TSC22D1: variants seen among roughly 807,000 people sequenced by gnomAD.
TSC22D1 encodes the protein TSC22 domain family protein 1.
Under a neutral mutation model 74.2 loss-of-function variants are expected in TSC22D1, and 9 were observed. The ratio of observed to expected loss-of-function variants is 0.12; its 90% CI spans 0.07 to 0.21. TSC22D1 has a LOEUF of 0.21. Ranked by LOEUF, TSC22D1 falls within the 10% of genes least tolerant of loss-of-function variation. TSC22D1 has a pLI of 1.00. For synonymous variants in TSC22D1, 586 were observed against 492.5 expected, an observed-to-expected ratio of 1.19 and a Z score of -2.51; for missense variants, 1,427 against 1,304.7, an observed-to-expected ratio of 1.09 and a Z score of -1.44.
intron 1 of TSC22D1, among the ~76,000 whole-genome samples, chr13:44,498,595 G>A (rs995347291): frequency 1.3e-5 from 2 of 152,168 alleles, no homozygotes; most frequent in African/African-American, 2.4e-5. Context: ...GACTCTCAGA[G>A]CAGGGGCCAT....
intron 1 of TSC22D1, among the ~76,000 whole-genome samples, chr13:44,551,047 G>A (rs1882205345): frequency 6.6e-6 from 1 of 151,424 alleles, no homozygotes; most frequent in African/African-American, 2.4e-5. Flanking sequence ...AATTGAGGCT[G>A]CAGTGAGCTG....
intron 1 of TSC22D1, among the ~76,000 whole-genome samples, chr13:44,448,767 A>G (rs1413457896): frequency 6.6e-6 from 1 of 152,150 alleles, no homozygotes; most frequent in African/African-American, 2.4e-5. Context: ...AGGTTTAGAA[A>G]TGGAGGCTCA....
intron 1 of TSC22D1, among the ~76,000 whole-genome samples, chr13:44,532,375 A>G (rs9533896): frequency 0.11 from 16,305 of 152,266 alleles, 943 homozygotes; most frequent in Non-Finnish European, 0.12. Flanking sequence ...GCCAAAGGTA[A>G]CATAAGGTCA....
rs1884178279 is a variant in TSC22D1 at position 44,575,772 on chromosome 13, G to C, written c.303C>G (p.Gly101=). ...AQLQAQPLAP[G]GTQMKKKSGF... is the part of the protein sequence containing the mutation. Reference sequence around the variant, plus strand: ...CACTTTTCTTTTTCATTTGAGTTCCGCCTGGCGCAAGAGGCTGTGCCTGCA... The same window carrying C: ...CACTTTTCTTTTTCATTTGAGTTCCCCCTGGCGCAAGAGGCTGTGCCTGCA... The change falls in exon 1 of 3, where the codon GGC becomes GGG. Residue 101 remains glycine, a synonymous_variant. Coordinates refer to ENST00000458659, the MANE Select transcript of TSC22D1 (RefSeq NM_183422.4). The C allele has an allele frequency of 6.2e-7, 1 of 1,614,164 alleles. No homozygotes were observed. Among genetic ancestry groups the C allele is most frequent in the East Asian group, 2.2e-5 (1 of 44,878 alleles).
At chr13:44,531,707 A>G (rs937968215) in intron 1 of TSC22D1, among the ~76,000 whole-genome samples, 2 of 152,172 alleles carry the variant, frequency 1.3e-5, no homozygotes, top group Non-Finnish European at 2.9e-5. Flanking sequence ...TAAATAAAAC[A>G]CCTCATGTCT....
intron 1 of TSC22D1, among the ~76,000 whole-genome samples, chr13:44,534,203 G>GCTGT: frequency 6.7e-6 from 1 of 149,494 alleles, no homozygotes; most frequent in South Asian, 2.1e-4. Flanking sequence ...TGCAGCCTGA[G>GCTGT]CGACAGAGTA....
At chr13:44,544,510 A>C (rs1014301779) in intron 1 of TSC22D1, among the ~76,000 whole-genome samples, 1 of 151,822 alleles carries the variant, frequency 6.6e-6, no homozygotes, top group African/African-American at 2.4e-5. Flanking sequence ...ACTCTGAGCA[A>C]AGTTGTGTGT....
chr13:44,574,655 C>G lies in TSC22D1; in HGVS notation c.1420G>C (p.Val474Leu), dbSNP rs780872535. ...STSGSSVSSS[V>L]STLSHYTESV... Reference sequence around the variant, plus strand: ...TCTGTATAGTGACTCAGTGTGCTGACACTACTGCTCACTGAACTCCCACTA... The same window carrying G: ...TCTGTATAGTGACTCAGTGTGCTGAGACTACTGCTCACTGAACTCCCACTA... The change falls in exon 1 of 3, where the codon GTC becomes CTC. Residue 474 changes from valine to leucine, a missense_variant. Transcript: ENST00000458659. The G allele has an allele frequency of 3.2e-5, 52 of 1,614,014 alleles. No individual in the cohort carries two copies. The highest frequency in any genetic ancestry group is 4.0e-5 in the Non-Finnish European group (47 of 1,180,042).
At chr13:44,569,900 C>T (rs1883639238) in intron 1 of TSC22D1, among the ~76,000 whole-genome samples, 1 of 151,896 alleles carries the variant, frequency 6.6e-6, no homozygotes, top group Non-Finnish European at 1.5e-5. Context: ...CCTTGAGGAA[C>T]ATCTAGTCTT....
chr13:44,506,725 T>C (rs1420285239), intron 1 of TSC22D1, among the ~76,000 whole-genome samples: 1 of 152,140 alleles, frequency 6.6e-6, no homozygotes, highest in African/African-American at 2.4e-5. Context: ...CTGAGCTGGG[T>C]ATCGAGAGAG....
At chr13:44,519,445 C>A (rs920721821) in intron 1 of TSC22D1, among the ~76,000 whole-genome samples, 4 of 151,984 alleles carry the variant, frequency 2.6e-5, no homozygotes, top group African/African-American at 9.7e-5. Context: ...CAGGAGTATA[C>A]AAAATGGAGT....
intron 1 of TSC22D1, among the ~76,000 whole-genome samples, chr13:44,562,350 A>G (rs1046073390): frequency 7.2e-5 from 11 of 152,204 alleles, no homozygotes; most frequent in African/African-American, 1.4e-4. Flanking sequence ...CCAAAAAATT[A>G]TATTTCTTTA....
intron 1 of TSC22D1, among the ~76,000 whole-genome samples, chr13:44,570,100 T>G (rs1257949620): frequency 2.0e-5 from 3 of 151,782 alleles, no homozygotes; most frequent in Non-Finnish European, 4.4e-5. Flanking sequence ...CTAATAACAA[T>G]CACAAAACAT....
At chr13:44,508,962 G>C (rs1449565750) in intron 1 of TSC22D1, among the ~76,000 whole-genome samples, 1 of 152,158 alleles carries the variant, frequency 6.6e-6, no homozygotes, top group Non-Finnish European at 1.5e-5. Context: ...CATGTGATAA[G>C]CATGAAGTGG....
Position 44,495,309 on chromosome 13 carries a change from A to C in TSC22D1, c.2913-59214T>G, listed in dbSNP as rs533460354. ...AAAATGCTAAGGAAAAAAAAAAAAA[A>C]AACAGTCTAACGGTAATTCTATATC... On this transcript the variant is annotated intron_variant, in intron 1 of 2. Coordinates refer to ENST00000458659, the MANE Select transcript of TSC22D1 (RefSeq NM_183422.4). Among the ~76,000 whole-genome samples the C allele has an allele frequency of 8.6e-5, 13 of 151,790 alleles. No individual in the cohort carries two copies. In the South Asian group the frequency reaches 2.5e-3, roughly 29 times the overall value.
chr13:44,504,602 A>T (rs1879361680), intron 1 of TSC22D1, among the ~76,000 whole-genome samples: 2 of 44,162 alleles, frequency 4.5e-5, no homozygotes, highest in Admixed American at 2.2e-4. Flanking sequence ...AGACTGTCTC[A>T]AAAAAAAAAA....
rs556361794 is a variant in TSC22D1 at position 44,482,045 on chromosome 13, G to A, written c.2913-45950C>T. 9.9e-5 allele frequency among the ~76,000 whole-genome samples: 15 copies of A among 152,160 alleles called. No individual in the cohort carries two copies. In the South Asian group the frequency reaches 3.1e-3, roughly 32 times the overall value. ...CATCAGCTTTTCAAATATAAAGGGT[G>A]CTTAATATATTTTTATTTTCATATA... On this transcript the variant is annotated intron_variant, in intron 1 of 2. Coordinates refer to ENST00000458659, the MANE Select transcript of TSC22D1 (RefSeq NM_183422.4).
At chr13:44,556,144 T>A (rs1482044306) in intron 1 of TSC22D1, among the ~76,000 whole-genome samples, 3 of 151,890 alleles carry the variant, frequency 2.0e-5, no homozygotes, top group African/African-American at 7.3e-5. Context: ...TTCAAAAAAA[T>A]TCCAATTGCT....
At position 44,479,248 on chromosome 13, in the gene TSC22D1, G is replaced by A. The variant is rs369285200; in HGVS notation, c.2913-43153C>T. ...TCTACACCAAGCTTGCCCAACCCACGGGCATGGCCCAGGACAGCTTTGAAT... is the reference window on the plus strand; with the variant it reads ...TCTACACCAAGCTTGCCCAACCCACAGGCATGGCCCAGGACAGCTTTGAAT... On this transcript the variant is annotated intron_variant, in intron 1 of 2. Transcript: ENST00000458659. 1.0e-3 allele frequency among the ~76,000 whole-genome samples: 154 copies of A among 151,950 alleles called. 2 individuals carry two copies. The South Asian group carries it at 0.015, about 15-fold the overall frequency.
Sources: allele counts gnomAD v4.1 joint callset (sites outside exome capture counted in the v4.1 genomes callset), GRCh38; gene constraint gnomAD v4.1.1; transcripts MANE v1.5; gene names NCBI Gene and HGNC (gene_info 2026-07-23, HGNC 2026-07-21).